The following SUGCT variants were observed in gnomAD, a reference collection of about 807,000 sequenced individuals.
SUGCT encodes succinyl-CoA:glutarate CoA-transferase.
In SUGCT, 41 loss-of-function variants were observed where a neutral mutation model predicts 55.0. That is an observed-to-expected ratio of 0.74 (90% CI 0.58 to 0.97). SUGCT has a LOEUF of 0.97. Among genes scored for constraint, SUGCT ranks in the 50% least tolerant of loss-of-function variants. SUGCT has a pLI of 0.00. For synonymous variants in SUGCT, 187 were observed against 200.4 expected (o/e 0.93, Z 0.56); for missense variants, 568 against 547.8 (o/e 1.04, Z -0.37).
At chr7:40,481,068 A>T (rs1267722072) in intron 11 of SUGCT, among the ~76,000 whole-genome samples, 1 of 152,194 alleles carries the variant, frequency 6.6e-6, no homozygotes, top group Non-Finnish European at 1.5e-5. Context: ...TAATCCCAGC[A>T]CTTTGGGAGG....
At chr7:40,904,940 A>T in the SUGCT span, among the ~76,000 whole-genome samples, 1 of 152,212 alleles carries the variant, frequency 6.6e-6, no homozygotes, top group Non-Finnish European at 1.5e-5. Context: ...TTATCATATG[A>T]GCCAAGTTTG....
At chr7:40,250,828 CTTTTTTTTTT>C (rs67372014) in intron 7 of SUGCT, among the ~76,000 whole-genome samples, 2 of 121,266 alleles carry the variant, frequency 1.6e-5, no homozygotes, top group Non-Finnish European at 3.2e-5. Flanking sequence ...TTTCACGCTT[CTTTTTTTTTT>C]TTTTTTTTTT....
intron 9 of SUGCT, among the ~76,000 whole-genome samples, chr7:40,379,427 A>T (rs534009784): frequency 6.6e-6 from 1 of 152,320 alleles, no homozygotes. Flanking sequence ...AGTTTTTAAT[A>T]TTCCCACATG....
chr7:40,407,398 G>A (rs1309694566), intron 9 of SUGCT, among the ~76,000 whole-genome samples: 1 of 151,736 alleles, frequency 6.6e-6, no homozygotes. Context: ...TGAAATTAAT[G>A]TAAATATTCA....
At chr7:40,633,759 T>A (rs1031361301) in intron 12 of SUGCT, among the ~76,000 whole-genome samples, 1 of 152,224 alleles carries the variant, frequency 6.6e-6, no homozygotes, top group Admixed American at 6.5e-5. Context: ...AGGAATACAA[T>A]GTGTGTGATT....
chr7:40,710,530 C>T (rs766944348), intron 12 of SUGCT, among the ~76,000 whole-genome samples: 45 of 152,016 alleles, frequency 3.0e-4, no homozygotes, highest in Admixed American at 6.6e-5. Context: ...TTCATTCTCA[C>T]TCCTCTAGAT....
At chr7:40,792,809 C>A (rs1285068223) in intron 13 of SUGCT, among the ~76,000 whole-genome samples, 4 of 152,096 alleles carry the variant, frequency 2.6e-5, no homozygotes, top group Non-Finnish European at 5.9e-5. Context: ...GAATCAGGTA[C>A]TGGGCCTTTG....
intron 1 of SUGCT, among the ~76,000 whole-genome samples, chr7:40,168,350 C>T (rs1411626478): frequency 6.6e-6 from 1 of 152,118 alleles, no homozygotes; most frequent in Non-Finnish European, 1.5e-5. Flanking sequence ...GGGGTGCCTT[C>T]GGTGTCATCA....
chr7:40,766,899 G>A (rs769849404), intron 13 of SUGCT, among the ~76,000 whole-genome samples: 2 of 152,064 alleles, frequency 1.3e-5, no homozygotes, highest in Non-Finnish European at 2.9e-5. Context: ...TGCACTATGG[G>A]GAATTTAACA....
intron 11 of SUGCT, among the ~76,000 whole-genome samples, chr7:40,489,532 T>A (rs1467873636): frequency 6.6e-6 from 1 of 151,892 alleles, no homozygotes; most frequent in Non-Finnish European, 1.5e-5. Flanking sequence ...AATACAAAAA[T>A]TAGCTGGATG....
At chr7:40,695,911 T>C (rs887318573) in intron 12 of SUGCT, among the ~76,000 whole-genome samples, 4 of 152,158 alleles carry the variant, frequency 2.6e-5, no homozygotes, top group African/African-American at 7.2e-5. Flanking sequence ...AACCATTATG[T>C]TAAGGAGATG....
At chr7:40,392,358 G>A (rs1487836376) in intron 9 of SUGCT, among the ~76,000 whole-genome samples, 2 of 152,144 alleles carry the variant, frequency 1.3e-5, no homozygotes, top group African/African-American at 2.4e-5. Flanking sequence ...TGCACAGGCT[G>A]TCATGGAGAT....
chr7:40,275,574 G>T lies in SUGCT; in HGVS notation c.720+918G>T, dbSNP rs182751935. Among the ~76,000 whole-genome samples the T allele has an allele frequency of 1.4e-3, 220 of 152,218 alleles. 1 individual carries two copies. Among genetic ancestry groups the T allele is most frequent in the South Asian group, 6.2e-3 (30 of 4,824 alleles). ...TAATTGTAATATGATACAAAGATAT[G>T]CATAATATTTATTCGTGATCAAGTC... is the stretch of plus-strand genomic sequence containing the variant. On this transcript the variant is annotated intron_variant, in intron 8 of 13. Transcript: ENST00000335693.
chr7:40,953,026 G>A, the SUGCT span, among the ~76,000 whole-genome samples: 3 of 152,264 alleles, frequency 2.0e-5, no homozygotes, highest in African/African-American at 7.2e-5. Flanking sequence ...GAAGTTCTCT[G>A]GATAATATCC....
chr7:40,654,718 T>C (rs1468774092), intron 12 of SUGCT, among the ~76,000 whole-genome samples: 1 of 152,162 alleles, frequency 6.6e-6, no homozygotes, highest in African/African-American at 2.4e-5. Context: ...CTCTCTTTTC[T>C]TTGGATAATT....
chr7:40,881,932 C>G, the SUGCT span, among the ~76,000 whole-genome samples: 19 of 152,312 alleles, frequency 1.2e-4, no homozygotes, highest in African/African-American at 4.3e-4. Context: ...AAAACCATCA[C>G]GAAGAGGGTC....
At chr7:41,010,240 T>C in the SUGCT span, among the ~76,000 whole-genome samples, 1 of 152,228 alleles carries the variant, frequency 6.6e-6, no homozygotes. Context: ...CCCCAGAACC[T>C]GGCTTAGATA....
the SUGCT span, among the ~76,000 whole-genome samples, chr7:40,900,606 G>A: frequency 2.0e-5 from 3 of 152,332 alleles, no homozygotes; most frequent in African/African-American, 7.2e-5. Flanking sequence ...GCCTGGGCTG[G>A]GGAGTGTCAA....
intron 9 of SUGCT, among the ~76,000 whole-genome samples, chr7:40,349,476 G>T (rs1222235115): frequency 6.6e-6 from 1 of 151,932 alleles, no homozygotes; most frequent in Non-Finnish European, 1.5e-5. Context: ...TTATTTCCTA[G>T]TACAAACTGG....
Sources: allele counts gnomAD v4.1 joint callset (sites outside exome capture counted in the v4.1 genomes callset), GRCh38; gene constraint gnomAD v4.1.1; transcripts MANE v1.5; gene names NCBI Gene and HGNC (gene_info 2026-07-23, HGNC 2026-07-21).